The following TRIQK variants were observed in gnomAD, a reference collection of about 807,000 sequenced individuals.
TRIQK encodes triple QxxK/R motif containing.
TRIQK carries 10 observed loss-of-function variants against 10.8 expected under a neutral mutation model. The observed-to-expected ratio is 0.92, with a 90% confidence interval of 0.57 to 1.57. The LOEUF is 1.57. Ranked by LOEUF, TRIQK falls within the 40% of genes most tolerant of loss-of-function variation. The probability of loss-of-function intolerance (pLI) is 0.00; values close to 1 mark genes in which losing one functional copy is unlikely to be tolerated. For synonymous variants in TRIQK, 33 were observed against 33.7 expected (o/e 0.98, Z 0.07); for missense variants, 107 against 97.7 (o/e 1.09, Z -0.40).
At chr8:93,005,406 T>G (rs964704876) in intron 1 of TRIQK, among the ~76,000 whole-genome samples, 1 of 151,900 alleles carries the variant, frequency 6.6e-6, no homozygotes, top group African/African-American at 2.4e-5. Context: ...TCCCACTAGG[T>G]CCCTCTCCCA....
chr8:93,008,511 A>G (rs1333369824), intron 1 of TRIQK, among the ~76,000 whole-genome samples: 1 of 152,166 alleles, frequency 6.6e-6, no homozygotes, highest in Admixed American at 6.5e-5. Context: ...TAATCCTGGA[A>G]CTACAAATTA....
intron 3 of TRIQK, among the ~76,000 whole-genome samples, chr8:92,914,276 T>A (rs112400082): frequency 3.9e-5 from 6 of 152,212 alleles, no homozygotes; most frequent in African/African-American, 1.4e-4. Context: ...TAGTTTTATG[T>A]CTTATATTTG....
upstream of TRIQK, among the ~76,000 whole-genome samples, chr8:92,966,372 T>C (rs1812751231): frequency 6.6e-6 from 1 of 152,236 alleles, no homozygotes; most frequent in South Asian, 2.1e-4. Context: ...AAATATGTTA[T>C]TTTGATTATT....
intron 1 of TRIQK, among the ~76,000 whole-genome samples, chr8:92,963,018 A>G (rs560617747): frequency 1.3e-5 from 2 of 152,314 alleles, no homozygotes; most frequent in African/African-American, 4.8e-5. Context: ...CTGTTTACAA[A>G]CGCAAGAGAG....
chr8:92,963,372 A>G (rs550208203), intron 1 of TRIQK: 125 of 152,242 alleles, frequency 8.2e-4, no homozygotes, highest in African/African-American at 2.9e-3. Context: ...AGATTTCTAT[A>G]TGAATATAGA....
At chr8:93,001,937 TCTGG>T (rs1303900716) in intron 1 of TRIQK, among the ~76,000 whole-genome samples, 2 of 152,212 alleles carry the variant, frequency 1.3e-5, no homozygotes, top group African/African-American at 4.8e-5. Context: ...GATGATCTTT[TCTGG>T]CTGTAATGGT....
intron 3 of TRIQK, among the ~76,000 whole-genome samples, chr8:92,909,489 T>C (rs923170837): frequency 6.6e-6 from 1 of 151,906 alleles, no homozygotes; most frequent in South Asian, 2.1e-4. Context: ...AAAATAAACA[T>C]CTCGGGCAAA....
intron 3 of TRIQK, among the ~76,000 whole-genome samples, chr8:92,900,157 T>C (rs999680465): frequency 6.6e-6 from 1 of 152,240 alleles, no homozygotes; most frequent in East Asian, 1.9e-4. Context: ...ATTAATCCTT[T>C]GTTAGATAGT....
At chr8:92,995,608 C>T (rs998623235) in intron 1 of TRIQK, among the ~76,000 whole-genome samples, 1 of 151,922 alleles carries the variant, frequency 6.6e-6, no homozygotes, top group Non-Finnish European at 1.5e-5. Flanking sequence ...TTTCCATTCA[C>T]TGATTTGGTT....
chr8:92,886,139 G>T lies in TRIQK; in HGVS notation c.*483C>A, dbSNP rs2130215082. The T allele has an allele frequency of 6.6e-6, 1 of 152,146 alleles. No homozygotes were observed. Among genetic ancestry groups the T allele is most frequent in the South Asian group, 2.1e-4 (1 of 4,834 alleles). 9.4% of individuals were successfully genotyped at this position (152,146 alleles called of 1,614,324 possible). On this transcript the variant is annotated 3_prime_UTR_variant, in exon 5 of 5. Transcript: ENST00000521988. ...TGTATGTGCAGATAGTCTCTCTAAT[G>T]ATGTAAAATACGTCCAGAAAGAAAG...
In TRIQK at chr8:92,905,371, T is replaced by A. The variant is rs145917669; in HGVS notation, c.61+11558A>T. ...ATTTCATTTATATAAAGATCACCTA[T>A]ATAAACTGACAAAACTAAATGATAG... On this transcript the variant is annotated intron_variant, in intron 3 of 4. Transcript: ENST00000521988. 2.0e-4 allele frequency among the ~76,000 whole-genome samples: 31 copies of A among 152,294 alleles called. No individual in the cohort carries two copies. The East Asian group carries it at 5.2e-3, about 26-fold the overall frequency.
At chr8:92,988,745 A>G (rs1025112644) in intron 1 of TRIQK, among the ~76,000 whole-genome samples, 5 of 152,222 alleles carry the variant, frequency 3.3e-5, no homozygotes, top group Non-Finnish European at 7.3e-5. Context: ...AAGGATACTT[A>G]TCTCTCTTAA....
intron 1 of TRIQK, among the ~76,000 whole-genome samples, chr8:92,977,064 C>T (rs1409818603): frequency 6.6e-6 from 1 of 151,876 alleles, no homozygotes; most frequent in East Asian, 1.9e-4. Context: ...ACATATTTAC[C>T]ATTTCCAGTG....
Position 92,885,247 on chromosome 8 carries a change from A to T in TRIQK, c.*1375T>A. The stretch of plus-strand genomic sequence containing the variant: ...TACACAGTCACAGTCGACTTTTTGC[A>T]AAAGTACCAGAGAATATCTTTTAGA... On this transcript the variant is annotated 3_prime_UTR_variant, in exon 5 of 5. Transcript: ENST00000521988. The T allele has an allele frequency of 3.1e-6, 1 of 326,002 alleles. No individual in the cohort carries two copies. The highest frequency in any genetic ancestry group is 2.6e-5 in the South Asian group (1 of 38,476). The allele number at this position is 326,002 out of a possible 1,614,324, so 20.2% of individuals were successfully genotyped here.
intron 3 of TRIQK, among the ~76,000 whole-genome samples, chr8:92,896,349 A>G (rs187579310): frequency 1.1e-3 from 167 of 152,336 alleles, no homozygotes; most frequent in African/African-American, 3.8e-3. Context: ...GAGGCCCCCA[A>G]CTAGACTTCA....
At chr8:92,920,517 T>C (rs1217037227) in intron 2 of TRIQK, among the ~76,000 whole-genome samples, 4 of 150,046 alleles carry the variant, frequency 2.7e-5, no homozygotes, top group African/African-American at 4.9e-5. Context: ...CATGAAAACT[T>C]ATCAGCTTAA....
At chr8:92,902,897 T>C (rs1487729592) in intron 3 of TRIQK, among the ~76,000 whole-genome samples, 1 of 152,014 alleles carries the variant, frequency 6.6e-6, no homozygotes, top group African/African-American at 2.4e-5. Context: ...AATTATGTAT[T>C]GTGATTTTGA....
chr8:93,014,362 G>C (rs1813363733), intron 1 of TRIQK, among the ~76,000 whole-genome samples: 2 of 151,926 alleles, frequency 1.3e-5, no homozygotes, highest in African/African-American at 4.8e-5. Flanking sequence ...CTCTGAATAT[G>C]ATTTTATCAT....
At chr8:92,909,742 A>G (rs953272581) in intron 3 of TRIQK, among the ~76,000 whole-genome samples, 1 of 151,756 alleles carries the variant, frequency 6.6e-6, no homozygotes, top group Non-Finnish European at 1.5e-5. Flanking sequence ...AAATTTATAC[A>G]TGGAGGAGAA....
Sources: gnomAD v4.1 joint callset for allele counts (sites outside exome capture counted in the v4.1 genomes callset) on GRCh38, gnomAD v4.1.1 for gene constraint, MANE v1.5 for transcripts, NCBI Gene and HGNC (gene_info 2026-07-23, HGNC 2026-07-21) for gene names.